CIITA: variants seen among roughly 807,000 people sequenced by gnomAD.
CIITA encodes class II major histocompatibility complex transactivator.
CIITA carries 72 observed loss-of-function variants against 115.1 expected under a neutral mutation model. The observed-to-expected ratio is 0.63, with a 90% CI of 0.52 to 0.76. The LOEUF is 0.76. Ranked by LOEUF, CIITA falls within the 30% of genes least tolerant of loss-of-function variation. CIITA has a pLI of 0.00. For synonymous variants in CIITA, 763 were observed against 635.6 expected (o/e 1.20, Z -3.02); for missense variants, 1,617 against 1,463.8 (o/e 1.10, Z -1.71).
chr16:10,902,407 A>T (rs750867615), intron 7 of CIITA, among the ~76,000 whole-genome samples: 2 of 152,176 alleles, frequency 1.3e-5, no homozygotes, highest in Non-Finnish European at 2.9e-5. Context: ...GAGCATCAGG[A>T]GGGAATCTCC....
At chr16:10,893,271 A>G (rs1436513341) in intron 1 of CIITA, among the ~76,000 whole-genome samples, 3 of 152,172 alleles carry the variant, frequency 2.0e-5, no homozygotes, top group Non-Finnish European at 4.4e-5. Flanking sequence ...GGATGCTGGT[A>G]CCTTGTTTCA....
At chr16:10,890,000 G>A (rs917267161) in intron 1 of CIITA, among the ~76,000 whole-genome samples, 1 of 152,168 alleles carries the variant, frequency 6.6e-6, no homozygotes, top group African/African-American at 2.4e-5. Context: ...AGAGCTTTTT[G>A]GGAACTCAGA....
chr16:10,900,792 A>G (rs1213056295), intron 5 of CIITA, among the ~76,000 whole-genome samples: 2 of 152,126 alleles, frequency 1.3e-5, no homozygotes, highest in African/African-American at 4.8e-5. Flanking sequence ...GAATGGTACT[A>G]TGAAGGTCCA....
At chr16:10,887,256 G>C (rs888811563) in intron 1 of CIITA, among the ~76,000 whole-genome samples, 1 of 152,040 alleles carries the variant, frequency 6.6e-6, no homozygotes, top group Non-Finnish European at 1.5e-5. Flanking sequence ...GGGGGGCCTT[G>C]GGGGAAAGGA....
intron 16 of CIITA, among the ~76,000 whole-genome samples, chr16:10,919,889 C>T (rs1328927276): frequency 6.6e-6 from 1 of 152,150 alleles, no homozygotes; most frequent in Non-Finnish European, 1.5e-5. Flanking sequence ...TATTGTAAAA[C>T]AGTGATTCAT....
chr16:10,915,787 A>G, intron 14 of CIITA, 137 bp downstream of exon 14: 1 of 798,792 alleles, frequency 1.3e-6, no homozygotes, highest in Non-Finnish European at 2.1e-6. Context: ...CCACAGGTGC[A>G]TGCTACAGTG....
chr16:10,907,042 C>T lies in CIITA; in HGVS notation c.1550C>T (p.Pro517Leu), dbSNP rs765687423. 12 of 1,607,120 alleles carry T rather than the reference C, an allele frequency of 7.5e-6. 1 individual carries two copies. The highest frequency in any genetic ancestry group is 3.3e-5 in the Admixed American group (2 of 60,004). ...QDGFLHSTCG[P>L]APAEPCSLRG... ...GGCTTCCTGCACAGCACGTGCGGAC[C>T]GGCACCGGCGGAGCCCTGCTCCCTC... Residue 517 changes from proline (P) to leucine (L), a missense_variant, in exon 11 of 20, where the codon CCG becomes CTG. Coordinates refer to ENST00000324288, the MANE Select transcript of CIITA (RefSeq NM_000246.4). The surrounding 1 kb of genome is among the most constrained non-coding windows in gnomAD (Gnocchi z 5.0).
In CIITA at chr16:10,927,030, C is replaced by A. The variant is rs1436100668; in HGVS notation, c.*3175C>A. 1.3e-5 allele frequency: 2 copies of A among 152,266 alleles called. No individual in the cohort carries two copies. Among genetic ancestry groups the A allele is most frequent in the Non-Finnish European group, 2.9e-5 (2 of 68,052 alleles). 9.4% of individuals were successfully genotyped at this position (152,266 alleles called of 1,614,324 possible). ...GGCTCAACGCCCACCTCACCACTTA[C>A]TTATGCAAGCTAGTTCTCTGTGCCT... On this transcript the variant is annotated 3_prime_UTR_variant, in exon 20 of 20. Coordinates refer to ENST00000324288, the MANE Select transcript of CIITA (RefSeq NM_000246.4).
At chr16:10,917,671 G>A (rs2040031334) in intron 15 of CIITA, among the ~76,000 whole-genome samples, 1 of 151,942 alleles carries the variant, frequency 6.6e-6, no homozygotes, top group South Asian at 2.1e-4. Context: ...GTAGAGACGG[G>A]GTTTCACCAG....
At chr16:10,913,034 T>G (rs1171052135) in intron 13 of CIITA, among the ~76,000 whole-genome samples, 1 of 152,224 alleles carries the variant, frequency 6.6e-6, no homozygotes, top group Non-Finnish European at 1.5e-5. Context: ...CACTCACCTG[T>G]TCACCCTTAT....
chr16:10,899,960 A>G (rs2038546233), intron 5 of CIITA, among the ~76,000 whole-genome samples: 1 of 152,116 alleles, frequency 6.6e-6, no homozygotes, highest in African/African-American at 2.4e-5. Context: ...GCACGCCTGT[A>G]ATCCCAGCTA....
intron 1 of CIITA, chr16:10,866,487 C>T: frequency 5.3e-6 from 3 of 561,706 alleles, no homozygotes; most frequent in South Asian, 4.2e-5. Flanking sequence ...AGAAAGGAGA[C>T]CTGGATTTGG....
chr16:10,903,641 C>T (rs2038937169), intron 8 of CIITA, 90 bp from the exon 9 acceptor site: 1 of 1,402,888 alleles, frequency 7.1e-7, no homozygotes, highest in African/African-American at 1.4e-5. Context: ...TTCCTGAGCT[C>T]CACAGCCCAG....
In CIITA at chr16:10,923,146, G is replaced by A; in HGVS notation, c.3318-82G>A. The A allele has an allele frequency of 1.7e-6, 2 of 1,149,186 alleles. No homozygotes were observed. The highest frequency in any genetic ancestry group is 1.7e-5 in the Admixed American group (1 of 59,432). 71.2% of individuals were successfully genotyped at this position (1,149,186 alleles called of 1,614,324 possible). A position where few individuals can be genotyped will look rare whatever the true frequency, so the allele number is the denominator to read the frequency against. On this transcript the variant is annotated intron_variant, in intron 18 of 19. Coordinates refer to ENST00000324288, the MANE Select transcript of CIITA (RefSeq NM_000246.4). The surrounding 1 kb of genome is among the most constrained non-coding windows in gnomAD (Gnocchi z 5.2). ...CAACGTTCTAGGCTGGGTGGAAGGAGGGATTTGGGGGCAGCTGTCACTGGG... is the reference window on the plus strand; with the variant it reads ...CAACGTTCTAGGCTGGGTGGAAGGAAGGATTTGGGGGCAGCTGTCACTGGG...
At chr16:10,900,013 G>A (rs1221534942) in intron 5 of CIITA, among the ~76,000 whole-genome samples, 2 of 152,012 alleles carry the variant, frequency 1.3e-5, no homozygotes, top group Non-Finnish European at 2.9e-5. Flanking sequence ...CCCAGGAGGT[G>A]GAGGTTGCAG....
intron 1 of CIITA, among the ~76,000 whole-genome samples, chr16:10,891,580 G>A (rs2037587782): frequency 1.3e-5 from 2 of 152,186 alleles, no homozygotes; most frequent in Non-Finnish European, 1.5e-5. Flanking sequence ...CTCTTGTCAC[G>A]AGATCACACT....
At chr16:10,910,582 CA>C (rs1332599045) in intron 13 of CIITA, among the ~76,000 whole-genome samples, 12 of 152,288 alleles carry the variant, frequency 7.9e-5, no homozygotes, top group Admixed American at 2.0e-4. Flanking sequence ...TGGAGGAGGT[CA>C]GGGGGACTTC....
At chr16:10,915,716 T>C (rs1430164828) in intron 14 of CIITA, 66 bp downstream of exon 14, 11 of 1,406,696 alleles carry the variant, frequency 7.8e-6, no homozygotes, top group Middle Eastern at 3.5e-4. Flanking sequence ...CATAGCTCAC[T>C]GCAGCCTCGA....
intron 15 of CIITA, 56 bp from the exon 16 acceptor site, chr16:10,918,384 C>T (rs2040076637): frequency 4.7e-6 from 7 of 1,473,760 alleles, no homozygotes; most frequent in Non-Finnish European, 4.8e-6. Context: ...TCCTTGAGGT[C>T]AAAGTGAGGC....
Sources: gnomAD v4.1 joint callset for allele counts (sites outside exome capture counted in the v4.1 genomes callset) on GRCh38, gnomAD v4.1.1 for gene constraint, Gnocchi (gnomAD v3.1) non-coding constraint, MANE v1.5 for transcripts, NCBI Gene and HGNC (gene_info 2026-07-23, HGNC 2026-07-21) for gene names.